Variants in ARMH1 observed in about 807,000 individuals in gnomAD.
ARMH1 encodes the protein armadillo-like helical domain containing protein 1.
Under a neutral mutation model 50.2 loss-of-function variants are expected in ARMH1, and 34 were observed. That is an observed-to-expected ratio of 0.68 (90% CI 0.51 to 0.90). The LOEUF is 0.90. Among genes scored for constraint, ARMH1 ranks in the 40% least tolerant of loss-of-function variants. The pLI, the probability that ARMH1 is intolerant of heterozygous loss-of-function variation, is 0.00. For synonymous variants in ARMH1, 221 were observed against 224.2 expected (o/e 0.99, Z 0.13); for missense variants, 538 against 553.9 (o/e 0.97, Z 0.29).
chr1:44,721,806 T>TA (rs1234239392), intron 6 of ARMH1: 7 of 151,062 alleles, frequency 4.6e-5, no homozygotes, highest in Non-Finnish European at 8.8e-5. Context: ...AGGCAAGACT[T>TA]CAAAAAATTT....
In ARMH1 at chr1:44,724,955, C is replaced by A. The variant is rs1356024083; in HGVS notation, c.1128+116C>A. 6.7e-7 allele frequency: 1 copy of A among 1,497,936 alleles called. No individual in the cohort carries two copies. The highest frequency in any genetic ancestry group is 8.9e-7 in the Non-Finnish European group (1 of 1,121,280). 92.8% of individuals were successfully genotyped at this position (1,497,936 alleles called of 1,614,324 possible). A position where few individuals can be genotyped will look rare whatever the true frequency, so the allele number is the denominator to read the frequency against. On this transcript the variant is annotated intron_variant, in intron 10 of 11. Transcript: ENST00000535358. The surrounding 1 kb of genome is among the most constrained non-coding windows in gnomAD (Gnocchi z 6.4). Reference sequence around the variant, plus strand: ...CCACATGCAGAGTGGACCTGGCCACCAGCTGCAGGAGGGACTGCTCTGGCG... The same window carrying A: ...CCACATGCAGAGTGGACCTGGCCACAAGCTGCAGGAGGGACTGCTCTGGCG...
chr1:44,702,991 G>A (rs569519984), intron 5 of ARMH1, among the ~76,000 whole-genome samples: 1 of 152,222 alleles, frequency 6.6e-6, no homozygotes, highest in Non-Finnish European at 1.5e-5. Context: ...TCTCTTGGGA[G>A]GCTTAGATGT....
intron 1 of ARMH1, chr1:44,684,564 C>T (rs1445283078): frequency 6.6e-6 from 1 of 152,168 alleles, no homozygotes; most frequent in East Asian, 1.9e-4. Flanking sequence ...ACAAGGGGAG[C>T]TTACCAACAA....
intron 1 of ARMH1, among the ~76,000 whole-genome samples, chr1:44,677,960 A>G (rs1360861965): frequency 6.6e-6 from 1 of 152,166 alleles, no homozygotes; most frequent in Non-Finnish European, 1.5e-5. Context: ...GAATCTAAAC[A>G]GATTCTACCA....
At chr1:44,699,157 A>T (rs1645939059) in intron 4 of ARMH1, among the ~76,000 whole-genome samples, 1 of 151,622 alleles carries the variant, frequency 6.6e-6, no homozygotes, top group Non-Finnish European at 1.5e-5. Context: ...GGTGGCACGC[A>T]CCTGTAATGG....
At position 44,725,173 on chromosome 1, in the gene ARMH1, T is replaced by A; in HGVS notation, c.1166T>A (p.Ile389Asn). 1.3e-6 allele frequency: 2 copies of A among 1,552,004 alleles called. No individual in the cohort carries two copies. The highest frequency in any genetic ancestry group is 2.4e-5 in the East Asian group (1 of 40,914). ...AEDLYMKIDS[I>N]QADILAANTV... ...GACTTGTACATGAAAATAGACAGCA[T>A]TCAGGCGGACATCTTGGCGGCCAAC... Residue 389 changes from isoleucine (I) to asparagine (N), a missense_variant, in exon 11 of 12, where the codon ATT (isoleucine) becomes AAT (asparagine). Transcript: ENST00000535358.
rs1019433321 is a variant in ARMH1, at chr1:44,681,120, G to T, written c.-23+6247G>T. 2.0e-5 allele frequency among the ~76,000 whole-genome samples: 3 copies of T among 147,608 alleles called. No individual in the cohort carries two copies. Among genetic ancestry groups the T allele is most frequent in the African/African-American group, 5.0e-5 (2 of 39,760 alleles). On this transcript the variant is annotated intron_variant, in intron 1 of 11. Coordinates refer to ENST00000535358, the MANE Select transcript of ARMH1 (RefSeq NM_001145636.2). This position sits in a 1 kb window ranked among gnomAD's most constrained non-coding sequence, Gnocchi z 4.3. ...CGCCATTCTCCTGCCTCAGCCTCCCGAGTAGCTGGGACTGCAGGCGTCCAC... is the reference window on the plus strand; with the variant it reads ...CGCCATTCTCCTGCCTCAGCCTCCCTAGTAGCTGGGACTGCAGGCGTCCAC...
chr1:44,709,035 T>C (rs187799107), intron 6 of ARMH1, among the ~76,000 whole-genome samples: 1 of 152,298 alleles, frequency 6.6e-6, no homozygotes, highest in East Asian at 1.9e-4. Context: ...GGTAAAATTA[T>C]AGCATTTAGG....
intron 3 of ARMH1, 104 bp downstream of exon 3, chr1:44,697,274 G>T: frequency 1.1e-6 from 1 of 906,052 alleles, no homozygotes. Context: ...TGTTAGCAGT[G>T]GGTTCCTTGT....
At position 44,687,380 on chromosome 1, in the gene ARMH1, C is replaced by CTGA. The variant is rs536052937; in HGVS notation, c.-22-2293_-22-2291dup. ...GCATTTACAGCCACATCCCGAGTTA[C>CTGA]TGATGGTTAGGACTTCAACATAGGA... is the stretch of plus-strand genomic sequence containing the variant. On this transcript the variant is annotated intron_variant, in intron 1 of 11. Transcript: ENST00000535358. Among the ~76,000 whole-genome samples the CTGA allele has an allele frequency of 2.8e-4, 43 of 152,302 alleles. 1 individual carries two copies. The East Asian group carries it at 4.4e-3, about 16-fold the overall frequency.
chr1:44,690,330 A>G (rs1488587131), intron 2 of ARMH1, among the ~76,000 whole-genome samples: 1 of 151,560 alleles, frequency 6.6e-6, no homozygotes, highest in Non-Finnish European at 1.5e-5. Flanking sequence ...CTGGTGTTTA[A>G]AAAAAAGTGA....
chr1:44,699,235 G>C (rs1483638331), intron 4 of ARMH1, among the ~76,000 whole-genome samples: 1 of 138,368 alleles, frequency 7.2e-6, no homozygotes, highest in Admixed American at 7.9e-5. Flanking sequence ...AGTGAGCCGA[G>C]ATCGCGCCAC....
In ARMH1 at chr1:44,702,436, G is replaced by A. The variant is rs558180728; in HGVS notation, c.639+1317G>A. Among the ~76,000 whole-genome samples, 5 of 152,128 alleles carry A rather than the reference G, an allele frequency of 3.3e-5. No homozygotes were observed. The East Asian group carries it at 7.7e-4, about 24-fold the overall frequency. On this transcript the variant is annotated intron_variant, in intron 5 of 11. Transcript: ENST00000535358. ...TTCAAAAAAGGGCAATGACAGGGCC[G>A]GGCGCAGTGGCTTACTCCTGTAATC...
At position 44,725,078 on chromosome 1, in the gene ARMH1, A is replaced by G. The variant is rs556250455; in HGVS notation, c.1129-58A>G. 1.9e-4 allele frequency: 302 copies of G among 1,548,804 alleles called. 1 individual carries two copies. The African/African-American group carries it at 2.7e-3, about 14-fold the overall frequency. ...CTGCAACATCCCTCTGCCAAGCCCA[A>G]CTCCAAGTCCAGACTGCCCTGGCAC... On this transcript the variant is annotated intron_variant, in intron 10 of 11. Transcript: ENST00000535358.
At chr1:44,675,468 G>A (rs1205980854) in intron 1 of ARMH1, among the ~76,000 whole-genome samples, 2 of 151,794 alleles carry the variant, frequency 1.3e-5, no homozygotes, top group Non-Finnish European at 1.5e-5. Flanking sequence ...ACCAGCCTGG[G>A]CAACATAGTG....
intron 5 of ARMH1, among the ~76,000 whole-genome samples, chr1:44,701,413 G>T (rs1015091485): frequency 6.6e-6 from 1 of 152,092 alleles, no homozygotes. Context: ...TAAAGGAGTC[G>T]ATTTGATAGG....
intron 6 of ARMH1, among the ~76,000 whole-genome samples, chr1:44,709,412 C>G (rs1176699359): frequency 6.6e-6 from 1 of 152,206 alleles, no homozygotes; most frequent in Non-Finnish European, 1.5e-5. Context: ...GTGGCTCACG[C>G]CTTTAATCCC....
At chr1:44,675,562 C>T (rs184308894) in intron 1 of ARMH1, among the ~76,000 whole-genome samples, 6 of 152,118 alleles carry the variant, frequency 3.9e-5, no homozygotes, top group African/African-American at 1.4e-4. Flanking sequence ...ACTTGGAAAG[C>T]TGAGGTGGGA....
intron 1 of ARMH1, among the ~76,000 whole-genome samples, chr1:44,679,559 G>A (rs1304319106): frequency 6.6e-6 from 1 of 152,206 alleles, no homozygotes; most frequent in African/African-American, 2.4e-5. Context: ...CAGAAGAACA[G>A]TTCACTCCAA....
Sources: allele counts gnomAD v4.1 joint callset (sites outside exome capture counted in the v4.1 genomes callset), GRCh38; gene constraint gnomAD v4.1.1; non-coding constraint Gnocchi (gnomAD v3.1); transcripts MANE v1.5; gene names NCBI Gene and HGNC (gene_info 2026-07-23, HGNC 2026-07-21).